Variants in RALYL observed in about 807,000 individuals in gnomAD.
RALYL encodes RALY RNA binding protein like.
A neutral mutation model predicts 35.1 loss-of-function variants in RALYL; 29 were observed. The ratio of observed to expected loss-of-function variants is 0.83; its 90% CI spans 0.61 to 1.13. RALYL has a LOEUF of 1.13. RALYL is among the 50% of genes most tolerant of loss of function. RALYL has a pLI of 0.00. For synonymous variants in RALYL, 120 were observed against 127.6 expected (o/e 0.94, Z 0.40); for missense variants, 359 against 360.4 (o/e 1.00, Z 0.03).
chr8:84,895,206 G>A (rs533785862), intron 8 of RALYL, among the ~76,000 whole-genome samples: 2 of 152,142 alleles, frequency 1.3e-5, no homozygotes, highest in East Asian at 3.9e-4. Context: ...TATCTTCCCT[G>A]TCCTACTGAG....
Position 84,232,924 on chromosome 8 carries a change from G to T in RALYL, c.-24+48500G>T, listed in dbSNP as rs78271487. 6.6e-3 allele frequency among the ~76,000 whole-genome samples: 1,006 copies of T among 152,044 alleles called. 8 individuals carry two copies. The highest frequency in any genetic ancestry group is 0.023 in the African/African-American group (971 of 41,478). ...TTCCTGAATATGGAAGAAACCTTTC[G>T]CATACTCAAGATAAAATTTCTTTCT... On this transcript the variant is annotated intron_variant, in intron 1 of 8. Transcript: ENST00000521268.
chr8:84,871,862 A>G (rs564753437), intron 6 of RALYL, among the ~76,000 whole-genome samples: 3 of 152,282 alleles, frequency 2.0e-5, no homozygotes, highest in South Asian at 4.1e-4. Context: ...TCCATAACAT[A>G]TCATGTATAT....
At chr8:84,396,274 G>T (rs1024247621) in intron 1 of RALYL, among the ~76,000 whole-genome samples, 1 of 151,860 alleles carries the variant, frequency 6.6e-6, no homozygotes, top group Non-Finnish European at 1.5e-5. Context: ...GGCTCATTTT[G>T]TTAAGGATTT....
intron 6 of RALYL, among the ~76,000 whole-genome samples, chr8:84,862,714 G>A (rs751446605): frequency 6.6e-6 from 1 of 152,172 alleles, no homozygotes; most frequent in Non-Finnish European, 1.5e-5. Context: ...ATAACACTGT[G>A]CTCTTGGCTT....
At chr8:84,393,955 C>G (rs542922055) in intron 1 of RALYL, among the ~76,000 whole-genome samples, 4 of 152,162 alleles carry the variant, frequency 2.6e-5, no homozygotes, top group Admixed American at 2.0e-4. Flanking sequence ...AAATCCAGCT[C>G]TCTGAATTTT....
chr8:84,465,012 T>C (rs2051371305), intron 1 of RALYL, among the ~76,000 whole-genome samples: 1 of 107,066 alleles, frequency 9.3e-6, no homozygotes, highest in African/African-American at 3.5e-5. Flanking sequence ...TGTAAATTTG[T>C]TGGAGTTCAT....
chr8:84,312,137 G>A (rs190949564), intron 1 of RALYL, among the ~76,000 whole-genome samples: 25 of 152,242 alleles, frequency 1.6e-4, no homozygotes, highest in Admixed American at 3.3e-4. Context: ...GATAGCAAGG[G>A]CAGGGGAAAT....
intron 2 of RALYL, among the ~76,000 whole-genome samples, chr8:84,667,338 T>C (rs530880663): frequency 5.3e-5 from 8 of 152,222 alleles, no homozygotes; most frequent in South Asian, 2.1e-4. Flanking sequence ...TCTTTTTGGA[T>C]TTTATGGACC....
chr8:84,402,011 C>A (rs1384017755), intron 1 of RALYL, among the ~76,000 whole-genome samples: 1 of 152,130 alleles, frequency 6.6e-6, no homozygotes, highest in Non-Finnish European at 1.5e-5. Context: ...GGTCTCCCTA[C>A]TTTTTGATGG....
intron 1 of RALYL, among the ~76,000 whole-genome samples, chr8:84,419,146 T>C (rs1295800791): frequency 6.6e-6 from 1 of 152,314 alleles, no homozygotes; most frequent in Non-Finnish European, 1.5e-5. Context: ...CAACCCCTTC[T>C]CTGTGTCTAT....
chr8:84,311,090 A>AAAAAAAAAAAAAAAAAAAT (rs1554614840), intron 1 of RALYL, among the ~76,000 whole-genome samples: 6 of 99,770 alleles, frequency 6.0e-5, no homozygotes, highest in African/African-American at 1.1e-4. Context: ...AAAAAAAAAA[A>AAAAAAAAAAAAAAAAAAAT]ATGTATATTA....
chr8:84,215,498 T>C (rs938377004), intron 1 of RALYL, among the ~76,000 whole-genome samples: 1 of 152,006 alleles, frequency 6.6e-6, no homozygotes, highest in Non-Finnish European at 1.5e-5. Flanking sequence ...TGGATATAAA[T>C]GCATATCTAT....
intron 1 of RALYL, among the ~76,000 whole-genome samples, chr8:84,189,481 A>AT (rs1223994042): frequency 2.0e-5 from 3 of 152,134 alleles, no homozygotes; most frequent in East Asian, 1.9e-4. Context: ...AGGAACGGCT[A>AT]TTTTTTCATT....
chr8:84,401,892 C>G (rs1372854246), intron 1 of RALYL, among the ~76,000 whole-genome samples: 1 of 108,856 alleles, frequency 9.2e-6, no homozygotes, highest in African/African-American at 4.6e-5. Context: ...GCCTCAAGCA[C>G]CTTTCTAGTT....
At chr8:84,318,461 A>G (rs1271226072) in intron 1 of RALYL, among the ~76,000 whole-genome samples, 1 of 152,202 alleles carries the variant, frequency 6.6e-6, no homozygotes, top group Non-Finnish European at 1.5e-5. Context: ...AGACATTTGC[A>G]AATTCTGTTT....
intron 1 of RALYL, among the ~76,000 whole-genome samples, chr8:84,435,485 G>A (rs1479606824): frequency 6.6e-6 from 1 of 152,028 alleles, no homozygotes; most frequent in Non-Finnish European, 1.5e-5. Flanking sequence ...AGAGAAAAAA[G>A]GGAAAAATAT....
At chr8:84,725,560 G>A (rs1844791887) in intron 2 of RALYL, among the ~76,000 whole-genome samples, 1 of 151,680 alleles carries the variant, frequency 6.6e-6, no homozygotes, top group Non-Finnish European at 1.5e-5. Flanking sequence ...GATGTTTTGT[G>A]AGCAAACTTA....
intron 2 of RALYL, among the ~76,000 whole-genome samples, chr8:84,754,100 T>G (rs1229810854): frequency 6.6e-6 from 1 of 152,136 alleles, no homozygotes; most frequent in Non-Finnish European, 1.5e-5. Context: ...GCCTGTTCAC[T>G]CTGATGGTAG....
chr8:84,536,350 G>C (rs2059605682), intron 2 of RALYL, among the ~76,000 whole-genome samples: 2 of 152,196 alleles, frequency 1.3e-5, no homozygotes, highest in South Asian at 4.1e-4. Context: ...CTAAAAACTT[G>C]TTAAGACAAA....
Sources: allele counts gnomAD v4.1 joint callset (sites outside exome capture counted in the v4.1 genomes callset), GRCh38; gene constraint gnomAD v4.1.1; transcripts MANE v1.5; gene names NCBI Gene and HGNC (gene_info 2026-07-23, HGNC 2026-07-21).